Variants in DCC observed in about 807,000 individuals in gnomAD.
DCC encodes the protein DCC netrin 1 receptor.
DCC carries 58 observed loss-of-function variants against 172.5 expected under a neutral mutation model. The observed-to-expected ratio is 0.34, with a 90% CI of 0.27 to 0.42. DCC has a LOEUF of 0.42. Among genes scored for constraint, DCC ranks in the 10% least tolerant of loss-of-function variants. The probability of loss-of-function intolerance (pLI) is 1.00; values close to 1 mark genes in which losing one functional copy is unlikely to be tolerated. For missense variants in DCC, 1,740 were observed against 1,791.0 expected (o/e 0.97, Z 0.51); for synonymous variants, 709 against 644.5 (o/e 1.10, Z -1.52).
chr18:52,986,776 T>C (rs1388705621), intron 5 of DCC, among the ~76,000 whole-genome samples: 1 of 147,366 alleles, frequency 6.8e-6, no homozygotes, highest in Non-Finnish European at 1.5e-5. Flanking sequence ...TATATACACA[T>C]ACATATGCAT....
chr18:52,897,955 C>T (rs1490110431), intron 2 of DCC, among the ~76,000 whole-genome samples: 4 of 152,190 alleles, frequency 2.6e-5, no homozygotes. Context: ...TTTTATTGGC[C>T]TTCTGGCTGC....
At chr18:53,257,972 C>A (rs1364671106) in intron 12 of DCC, among the ~76,000 whole-genome samples, 1 of 152,174 alleles carries the variant, frequency 6.6e-6, no homozygotes, top group Non-Finnish European at 1.5e-5. Context: ...TTATCCATTT[C>A]TTCTAGATTT....
chr18:52,606,476 C>T (rs1043395210), intron 1 of DCC, among the ~76,000 whole-genome samples: 13 of 152,008 alleles, frequency 8.6e-5, no homozygotes, highest in African/African-American at 2.4e-4. Flanking sequence ...CATAAACATA[C>T]GTGATCATTA....
intron 2 of DCC, among the ~76,000 whole-genome samples, chr18:52,815,437 C>CACAT (rs200788100): frequency 2.0e-5 from 3 of 150,424 alleles, no homozygotes; most frequent in African/African-American, 7.4e-5. Flanking sequence ...CACACACACA[C>CACAT]GTTCTCTCTC....
At chr18:53,459,558 G>T in intron 24 of DCC, 100 bp downstream of exon 24, 1 of 766,450 alleles carries the variant, frequency 1.3e-6, no homozygotes, top group South Asian at 1.4e-5. Context: ...TAATTTGCAT[G>T]TCATTATGGG....
At chr18:52,932,886 A>C (rs1381882168) in intron 5 of DCC, among the ~76,000 whole-genome samples, 1 of 151,802 alleles carries the variant, frequency 6.6e-6, no homozygotes, top group African/African-American at 2.4e-5. Flanking sequence ...TTTCTTTCAA[A>C]TGCATATGAT....
chr18:53,089,341 C>T (rs540100019), intron 7 of DCC, among the ~76,000 whole-genome samples: 1 of 152,248 alleles, frequency 6.6e-6, no homozygotes, highest in African/African-American at 2.4e-5. Context: ...CCACCTCGGC[C>T]TCCCAAAATG....
chr18:52,684,699 T>G (rs1028786095), intron 1 of DCC, among the ~76,000 whole-genome samples: 2 of 152,070 alleles, frequency 1.3e-5, no homozygotes, highest in Admixed American at 6.6e-5. Context: ...TGAAGCAAGA[T>G]AAGCTGGACT....
intron 13 of DCC, among the ~76,000 whole-genome samples, chr18:53,311,921 A>G (rs1004027631): frequency 9.9e-5 from 15 of 152,164 alleles, no homozygotes; most frequent in African/African-American, 3.6e-4. Flanking sequence ...TTCTCACCGT[A>G]GGCAATGCAT....
intron 5 of DCC, among the ~76,000 whole-genome samples, chr18:53,029,823 C>T (rs1199358593): frequency 6.6e-6 from 1 of 152,080 alleles, no homozygotes; most frequent in Non-Finnish European, 1.5e-5. Context: ...TAGATCAGTC[C>T]TCATCATCAT....
At chr18:52,615,178 A>C (rs550830906) in intron 1 of DCC, among the ~76,000 whole-genome samples, 1 of 152,268 alleles carries the variant, frequency 6.6e-6, no homozygotes, top group South Asian at 2.1e-4. Flanking sequence ...AGCTTTGGAA[A>C]GGTGCTTCAG....
Position 52,486,729 on chromosome 18 carries a change from G to C in DCC, c.91+145851G>C, listed in dbSNP as rs79649885. ...CTTATATCTGTTAATTATTGACTAA[G>C]AGAAAGCTTTATGGCAAATGGTGGG... is the stretch of plus-strand genomic sequence containing the variant. On this transcript the variant is annotated intron_variant, in intron 1 of 28. Transcript: ENST00000442544. 3.7e-3 allele frequency among the ~76,000 whole-genome samples: 566 copies of C among 152,200 alleles called. 3 individuals carry two copies. In the East Asian group the frequency reaches 0.038, roughly 10 times the overall value.
intron 19 of DCC, among the ~76,000 whole-genome samples, chr18:53,403,108 A>G (rs1909430707): frequency 7.1e-6 from 1 of 139,898 alleles, no homozygotes; most frequent in Non-Finnish European, 1.5e-5. Context: ...ACACACACAC[A>G]CACACACACA....
chr18:53,195,603 G>A (rs888903008), intron 9 of DCC, among the ~76,000 whole-genome samples: 72 of 152,184 alleles, frequency 4.7e-4, no homozygotes, highest in African/African-American at 1.5e-3. Flanking sequence ...GTATAGGGTC[G>A]TTTTTGTCTC....
chr18:53,135,949 T>C (rs1331178069), intron 7 of DCC, among the ~76,000 whole-genome samples: 1 of 152,190 alleles, frequency 6.6e-6, no homozygotes, highest in African/African-American at 2.4e-5. Context: ...AAGCTATGCA[T>C]GGTTATTTTT....
At chr18:53,262,249 T>A (rs1429231507) in intron 12 of DCC, among the ~76,000 whole-genome samples, 1 of 152,204 alleles carries the variant, frequency 6.6e-6, no homozygotes, top group East Asian at 1.9e-4. Flanking sequence ...TCTAAACTTA[T>A]GTGAATGTAT....
chr18:53,458,386 A>G (rs1352303479), intron 23 of DCC, among the ~76,000 whole-genome samples: 4 of 152,204 alleles, frequency 2.6e-5, no homozygotes, highest in Non-Finnish European at 5.9e-5. Context: ...TGTTCCAATA[A>G]AACTTTATTT....
At chr18:53,005,297 G>A (rs2041627898) in intron 5 of DCC, among the ~76,000 whole-genome samples, 1 of 152,094 alleles carries the variant, frequency 6.6e-6, no homozygotes, top group African/African-American at 2.4e-5. Context: ...GAATATTTTA[G>A]GAATAACTCA....
At chr18:52,803,433 G>C (rs1243747772) in intron 2 of DCC, among the ~76,000 whole-genome samples, 1 of 152,028 alleles carries the variant, frequency 6.6e-6, no homozygotes, top group Non-Finnish European at 1.5e-5. Flanking sequence ...GCATTTATTA[G>C]TTAATGCTGC....
Sources: allele counts gnomAD v4.1 joint callset (sites outside exome capture counted in the v4.1 genomes callset), GRCh38; gene constraint gnomAD v4.1.1; transcripts MANE v1.5; gene names NCBI Gene and HGNC (gene_info 2026-07-23, HGNC 2026-07-21).